Variants in FHAD1 observed in about 807,000 individuals in gnomAD.
FHAD1 encodes the protein forkhead-associated domain-containing protein 1.
FHAD1 carries 146 observed loss-of-function variants against 191.3 expected under a neutral mutation model. That is an observed-to-expected ratio of 0.76 (90% confidence interval 0.67 to 0.88). The LOEUF (loss-of-function observed/expected upper bound fraction) is 0.88, where lower values mean the gene tolerates loss of function less well. Ranked by LOEUF, FHAD1 falls within the 40% of genes least tolerant of loss-of-function variation. The pLI, the probability that FHAD1 is intolerant of heterozygous loss-of-function variation, is 0.00. For missense variants in FHAD1, 1,635 were observed against 1,785.8 expected (o/e 0.92, Z 1.52); for synonymous variants, 616 against 672.3 (o/e 0.92, Z 1.29).
At chr1:15,336,286 T>G (rs896803123) in intron 14 of FHAD1, among the ~76,000 whole-genome samples, 2 of 152,166 alleles carry the variant, frequency 1.3e-5, no homozygotes, top group African/African-American at 4.8e-5. Flanking sequence ...GGCATAGCAC[T>G]GGCACGCACC....
At position 15,391,234 on chromosome 1, in the gene FHAD1, A is replaced by G. The variant is rs187326459; in HGVS notation, c.4294A>G (p.Lys1432Glu). 7.8e-7 allele frequency: 1 copy of G among 1,288,788 alleles called. No individual in the cohort carries two copies. The highest frequency in any genetic ancestry group is 1.5e-5 in the African/African-American group (1 of 65,968). The allele number at this position is 1,288,788 out of a possible 1,614,324, so 79.8% of individuals were successfully genotyped here. Residue 1432 changes from lysine to glutamate, a missense_variant, in exon 33 of 34, where the codon AAG becomes GAG. By Grantham distance (56) the Lys-to-Glu change is moderately conservative. Coordinates refer to ENST00000688493, the MANE Select transcript of FHAD1 (RefSeq NM_001391957.1). The part of the protein sequence containing the change: ...RQRRVFVEMV[K>E]NRMQNSNSQV... Reference sequence around the variant, plus strand: ...GAGACGAGTATTTGTAGAGATGGTGAAGAACAGGATGCAGAACTCAAATTC... The same window carrying G: ...GAGACGAGTATTTGTAGAGATGGTGGAGAACAGGATGCAGAACTCAAATTC...
At chr1:15,296,816 G>C (rs1294782796) in intron 5 of FHAD1, 23 bp downstream of exon 5, 14 of 1,539,480 alleles carry the variant, frequency 9.1e-6, no homozygotes, top group Non-Finnish European at 1.2e-5. Context: ...TCTGGGGAAG[G>C]GTGGAGCTGC....
At chr1:15,297,813 T>A (rs1345844385) in intron 5 of FHAD1, among the ~76,000 whole-genome samples, 1 of 152,186 alleles carries the variant, frequency 6.6e-6, no homozygotes, top group Non-Finnish European at 1.5e-5. Flanking sequence ...GCTTGTTTGT[T>A]ATTTTTTTTT....
At chr1:15,389,751 G>A (rs1230624185) in intron 32 of FHAD1, among the ~76,000 whole-genome samples, 2 of 152,046 alleles carry the variant, frequency 1.3e-5, no homozygotes, top group Non-Finnish European at 2.9e-5. Context: ...ATGCCAAATG[G>A]GGTTGCCAGA....
intron 19 of FHAD1, among the ~76,000 whole-genome samples, chr1:15,349,550 A>C (rs996852857): frequency 6.6e-6 from 1 of 152,222 alleles, no homozygotes; most frequent in Non-Finnish European, 1.5e-5. Context: ...GTAGAGCGGC[A>C]TGTGTGCCAC....
At chr1:15,300,052 G>A (rs183073956) in intron 5 of FHAD1, among the ~76,000 whole-genome samples, 20 of 152,374 alleles carry the variant, frequency 1.3e-4, no homozygotes, top group Admixed American at 1.3e-3. Flanking sequence ...AAATTGCATG[G>A]AGAGCAGTTT....
upstream of FHAD1, among the ~76,000 whole-genome samples, chr1:15,242,877 C>T (rs1645550218): frequency 6.6e-6 from 1 of 152,160 alleles, no homozygotes; most frequent in African/African-American, 2.4e-5. Flanking sequence ...AGCCACTGAT[C>T]CATTGTTTCA....
At chr1:15,323,638 T>G (rs2101669212) in intron 10 of FHAD1, among the ~76,000 whole-genome samples, 1 of 152,310 alleles carries the variant, frequency 6.6e-6, no homozygotes, top group South Asian at 2.1e-4. Context: ...TTCCTGCAAG[T>G]GCCTGAGCCC....
chr1:15,293,730 A>AAAC (rs1159511459), intron 4 of FHAD1, among the ~76,000 whole-genome samples: 4 of 152,124 alleles, frequency 2.6e-5, no homozygotes, highest in Non-Finnish European at 5.9e-5. Flanking sequence ...AAAAACCAAC[A>AAAC]AACAAAAAAA....
At chr1:15,303,848 C>CAAAAAAAAAAAAAAAAAAAAAAAA (rs765601462) in intron 6 of FHAD1, among the ~76,000 whole-genome samples, 1 of 104,422 alleles carries the variant, frequency 9.6e-6, no homozygotes, top group African/African-American at 3.2e-5. Context: ...GACTCTGTCT[C>CAAAAAAAAAAAAAAAAAAAAAAAA]AAAAAAAAAA....
intron 6 of FHAD1, 27 bp downstream of exon 6, chr1:15,301,468 C>T (rs1282013562): frequency 2.0e-5 from 31 of 1,542,348 alleles, no homozygotes; most frequent in Non-Finnish European, 2.5e-5. Context: ...AGGTACAGCA[C>T]AGCTCTCAGG....
At chr1:15,341,635 C>T in intron 15 of FHAD1, 101 bp from the exon 16 acceptor site, 2 of 1,064,820 alleles carry the variant, frequency 1.9e-6, no homozygotes, top group Non-Finnish European at 2.6e-6. Context: ...TTGGGTAAAC[C>T]TTTGTACCCA....
rs528797923 is a variant in FHAD1 at position 15,271,702 on chromosome 1, T to TA, written c.94-614dup. Among the ~76,000 whole-genome samples the TA allele has an allele frequency of 4.9e-4, 74 of 152,248 alleles. 1 individual carries two copies. The East Asian group carries it at 6.6e-3, about 13-fold the overall frequency. The stretch of plus-strand genomic sequence containing the variant: ...TATGTAGGGTGTGATTAATTTTGTT[T>TA]AAAAAAATTTAAAAGGACGTAAGCA... On this transcript the variant is annotated intron_variant, in intron 2 of 33. Transcript: ENST00000688493.
intron 14 of FHAD1, among the ~76,000 whole-genome samples, chr1:15,335,942 C>G (rs948715977): frequency 1.3e-5 from 2 of 152,076 alleles, no homozygotes; most frequent in Non-Finnish European, 2.9e-5. Context: ...ACGTTGCAGC[C>G]GAGCAAAATC....
chr1:15,332,843 G>A (rs748041819), intron 14 of FHAD1, among the ~76,000 whole-genome samples: 4 of 152,162 alleles, frequency 2.6e-5, no homozygotes, highest in Admixed American at 6.5e-5. Context: ...TCATGGAGTC[G>A]TGAGATTTGA....
At chr1:15,291,748 G>A (rs1057177749) in intron 4 of FHAD1, among the ~76,000 whole-genome samples, 6 of 152,068 alleles carry the variant, frequency 3.9e-5, no homozygotes, top group East Asian at 1.9e-4. Flanking sequence ...CGAGAGCTGC[G>A]GTCCTCTGAA....
chr1:15,373,325 G>A (rs570280826), intron 26 of FHAD1, among the ~76,000 whole-genome samples: 7 of 143,588 alleles, frequency 4.9e-5, no homozygotes, highest in South Asian at 2.1e-4. Flanking sequence ...CCTGGCCAAC[G>A]TGGTGAAACC....
chr1:15,327,087 A>T lies in FHAD1; in HGVS notation c.1502A>T (p.Lys501Met), dbSNP rs1174890356. 3.2e-6 allele frequency: 5 copies of T among 1,551,212 alleles called. No homozygotes were observed. The highest frequency in any genetic ancestry group is 4.4e-6 in the Non-Finnish European group (5 of 1,146,870). The change falls in exon 12 of 34, where the codon AAG becomes ATG. Residue 501 changes from lysine to methionine, a missense_variant. Coordinates refer to ENST00000688493, the MANE Select transcript of FHAD1 (RefSeq NM_001391957.1). This position sits in a 1 kb window ranked among gnomAD's most constrained non-coding sequence, Gnocchi z 5.1. ...QLEHFRSQVI[K>M]ATYGRAKPFR... ...GAGCACTTCAGAAGTCAAGTCATCA[A>T]GGCCACCTATGGACGGGCGAAGCCG...
At chr1:15,375,481 A>G in intron 27 of FHAD1, 122 bp from the exon 28 acceptor site, 1 of 934,096 alleles carries the variant, frequency 1.1e-6, no homozygotes, top group Non-Finnish European at 1.5e-6. Flanking sequence ...CTCATCTGCC[A>G]CGGGAGGTCG....
Sources: gnomAD v4.1 joint callset for allele counts (sites outside exome capture counted in the v4.1 genomes callset) on GRCh38, gnomAD v4.1.1 for gene constraint, Gnocchi (gnomAD v3.1) non-coding constraint, MANE v1.5 for transcripts, NCBI Gene and HGNC (gene_info 2026-07-23, HGNC 2026-07-21) for gene names.